ECD: variants seen among roughly 807,000 people sequenced by gnomAD.
The protein encoded by ECD is protein ecdysoneless homolog.
Under a neutral mutation model 77.2 loss-of-function variants are expected in ECD, and 59 were observed. That is an observed-to-expected ratio of 0.76 (90% confidence interval 0.62 to 0.95). The LOEUF is 0.95. Ranked by LOEUF, ECD falls within the 40% of genes least tolerant of loss-of-function variation. The pLI, the probability that ECD is intolerant of heterozygous loss-of-function variation, is 0.00. For missense variants in ECD, 704 were observed against 763.4 expected, an observed-to-expected ratio of 0.92 and a Z score of 0.92; for synonymous variants, 233 against 267.4, an observed-to-expected ratio of 0.87 and a Z score of 1.26.
Position 73,167,887 on chromosome 10 carries a change from C to T in ECD, c.-35G>A, listed in dbSNP as rs144296388. On this transcript the variant is annotated 5_prime_UTR_variant, in exon 1 of 14. Transcript: ENST00000372979. ...TTACGGTTCTAGGGCCTCTCCTTCG[C>T]GTCTCTGCTGTGGCACCTTTCCTTA... The T allele has an allele frequency of 1.4e-3, 250 of 184,224 alleles. 11 individuals carry two copies. In the East Asian group the frequency reaches 0.039, roughly 29 times the overall value. 11.4% of individuals were successfully genotyped at this position (184,224 alleles called of 1,614,324 possible).
intron 8 of ECD, among the ~76,000 whole-genome samples, chr10:73,147,984 C>T: frequency 6.6e-6 from 1 of 151,812 alleles, no homozygotes; most frequent in African/African-American, 2.4e-5. Context: ...GCTAATTTTC[C>T]TATCTGGTGT....
At chr10:73,151,537 A>G (rs1843206669) in intron 7 of ECD, among the ~76,000 whole-genome samples, 1 of 152,174 alleles carries the variant, frequency 6.6e-6, no homozygotes, top group Non-Finnish European at 1.5e-5. Context: ...AATAAAAAAA[A>G]AAAGAAAATC....
In ECD at chr10:73,139,641, G is replaced by C. The variant is rs1843025848; in HGVS notation, c.1224C>G (p.Pro408=). 3 of 1,608,200 alleles carry C rather than the reference G, an allele frequency of 1.9e-6. No individual in the cohort carries two copies. Among genetic ancestry groups the C allele is most frequent in the Admixed American group, 1.7e-5 (1 of 58,718 alleles). The stretch of plus-strand genomic sequence containing the variant: ...TGGTCCATCACTTACCATCCTCTGG[G>C]GGAAGATTAGCTGCTTCTTTCTTAA... ...EDLKKEAANL[P]PEDDDQWLDL... The change falls in exon 10 of 14, where the codon CCC becomes CCG. Residue 408 remains proline, a synonymous_variant. Transcript: ENST00000372979.
At chr10:73,141,665 C>T (rs1318743148) in intron 9 of ECD, among the ~76,000 whole-genome samples, 5 of 152,154 alleles carry the variant, frequency 3.3e-5, no homozygotes, top group Non-Finnish European at 1.5e-5. Context: ...CTATGACTCT[C>T]TTTAGCATTT....
intron 8 of ECD, 148 bp downstream of exon 8, chr10:73,148,128 C>T: frequency 1.1e-6 from 1 of 911,406 alleles, no homozygotes. Context: ...TTCATTAGCA[C>T]CTGAGTACCA....
At chr10:73,134,842 G>A in intron 13 of ECD, 29 bp from the exon 14 acceptor site, 1 of 1,581,950 alleles carries the variant, frequency 6.3e-7, no homozygotes, top group Non-Finnish European at 8.7e-7. Context: ...AGAAAATTAT[G>A]GGCTAATGTA....
chr10:73,138,391 A>C lies in ECD; in HGVS notation c.1422-321T>G, dbSNP rs182433234. Reference sequence around the variant, plus strand: ...GCAAAACCATTATTTATTTGAGTTAATTTAAATAAAGCCTGTTCTTTTAAG... The same window carrying C: ...GCAAAACCATTATTTATTTGAGTTACTTTAAATAAAGCCTGTTCTTTTAAG... On this transcript the variant is annotated intron_variant, in intron 11 of 13. Transcript: ENST00000372979. 2.0e-5 allele frequency among the ~76,000 whole-genome samples: 3 copies of C among 152,350 alleles called. No individual in the cohort carries two copies. The East Asian group carries it at 5.8e-4, about 29-fold the overall frequency.
rs754983795 is a variant in ECD at position 73,146,265 on chromosome 10, C to T, written c.1127+11G>A. On this transcript the variant is annotated intron_variant, in intron 9 of 13. Coordinates refer to ENST00000372979, the MANE Select transcript of ECD (RefSeq NM_007265.3). Reference sequence around the variant, plus strand: ...CCAATCTTTGTAGTAGGAGTCTTAACAATAACTCACCTTTCTGGCCAGTCT... The same window carrying T: ...CCAATCTTTGTAGTAGGAGTCTTAATAATAACTCACCTTTCTGGCCAGTCT... 6 of 1,559,464 alleles carry T rather than the reference C, an allele frequency of 3.8e-6. No homozygotes were observed. In the South Asian group the frequency reaches 7.0e-5, roughly 18 times the overall value.
chr10:73,143,977 T>C (rs1023676846), intron 9 of ECD, among the ~76,000 whole-genome samples: 8 of 152,086 alleles, frequency 5.3e-5, no homozygotes, highest in African/African-American at 1.9e-4. Flanking sequence ...TTGGTTGTCA[T>C]GATTGGGGGA....
In ECD at chr10:73,154,129, T is replaced by C. The variant is rs914656027; in HGVS notation, c.783+127A>G. 4 of 992,812 alleles carry C rather than the reference T, an allele frequency of 4.0e-6. No homozygotes were observed. The South Asian group carries it at 6.0e-5, about 15-fold the overall frequency. The allele number at this position is 992,812 out of a possible 1,614,324, so 61.5% of individuals were successfully genotyped here. On this transcript the variant is annotated intron_variant, in intron 6 of 13. Transcript: ENST00000372979. ...ATGAAGAAACAGAATATTTCCTTTT[T>C]TTTCTAGAGAACAATTAAAATAATG...
rs111606598 is a variant in ECD at position 73,163,805 on chromosome 10, G to A, written c.133C>T (p.Arg45Trp). ...LQKYIERIIT[R>W]FAPMLVPYIW... is the part of the protein sequence containing the mutation. ...TAGGGGACCAGCATAGGTGCAAACCGAGTGATTATTCTCTCAATGTACTTC... is the reference window on the plus strand; with the variant it reads ...TAGGGGACCAGCATAGGTGCAAACCAAGTGATTATTCTCTCAATGTACTTC... Residue 45 changes from arginine (R) to tryptophan (W), a missense_variant, in exon 2 of 14, where the codon CGG becomes TGG. Physicochemically the swap from Arg to Trp is moderately radical, Grantham distance 101. Transcript: ENST00000372979. 34 of 1,614,160 alleles carry A rather than the reference G, an allele frequency of 2.1e-5. No homozygotes were observed. The highest frequency in any genetic ancestry group is 1.8e-4 in the South Asian group (16 of 91,082).
intron 7 of ECD, among the ~76,000 whole-genome samples, chr10:73,149,435 G>A (rs1044035076): frequency 6.6e-6 from 1 of 152,182 alleles, no homozygotes; most frequent in Non-Finnish European, 1.5e-5. Context: ...TATGCATACT[G>A]TCTCATGATG....
chr10:73,146,283 G>T lies in ECD; in HGVS notation c.1120C>A (p.Pro374Thr), dbSNP rs145211991. ...GTCTTAACAATAACTCACCTTTCTG[G>T]CCAGTCTACTGAGAGCTGGAAGTAA... The part of the protein sequence containing the change: ...ENYFQLSVDW[P>T]ESSLAMSPGE... Residue 374 changes from proline (P) to threonine (T), a missense_variant, in exon 9 of 14, where the codon CCA becomes ACA. Pro to Thr is a conservative substitution (Grantham distance 38). Around this residue, in one of 3 missense-constraint regions of ECD, gnomAD observed 559 missense variants for 583.7 expected, o/e 0.96. Transcript: ENST00000372979. The T allele has an allele frequency of 2.5e-6, 4 of 1,598,278 alleles. No homozygotes were observed. The highest frequency in any genetic ancestry group is 1.3e-5 in the African/African-American group (1 of 74,758).
chr10:73,156,859 T>C (rs189772007), intron 3 of ECD, among the ~76,000 whole-genome samples: 36 of 152,034 alleles, frequency 2.4e-4, no homozygotes, highest in Non-Finnish European at 5.9e-5. Context: ...GAGTTGAAGG[T>C]AGATATGATA....
intron 13 of ECD, among the ~76,000 whole-genome samples, chr10:73,135,712 C>A (rs1347113279): frequency 1.3e-5 from 2 of 151,368 alleles, no homozygotes. Context: ...CAGAGGGAGA[C>A]TTCCATCTCA....
chr10:73,147,465 G>A (rs546477178), intron 8 of ECD, among the ~76,000 whole-genome samples: 8 of 151,992 alleles, frequency 5.3e-5, no homozygotes, highest in Admixed American at 1.3e-4. Flanking sequence ...GAGGAGAATC[G>A]CTTGAACCTA....
intron 9 of ECD, among the ~76,000 whole-genome samples, chr10:73,143,565 T>C (rs531632726): frequency 2.0e-5 from 3 of 152,252 alleles, no homozygotes; most frequent in Admixed American, 2.0e-4. Flanking sequence ...TGTGGGTACA[T>C]AGTAGGTGTA....
At chr10:73,160,366 A>G (rs1843359738) in intron 3 of ECD, 68 bp downstream of exon 3, 2 of 1,047,272 alleles carry the variant, frequency 1.9e-6, no homozygotes, top group African/African-American at 1.6e-5. Context: ...ATTACTAAAT[A>G]GATAAAAATG....
intron 9 of ECD, 32 bp downstream of exon 9, chr10:73,146,244 T>A (rs764564157): frequency 8.2e-7 from 1 of 1,212,928 alleles, no homozygotes; most frequent in Non-Finnish European, 1.2e-6. Context: ...TAAATACCAA[T>A]CTTTGTAGTA....
Sources: allele counts gnomAD v4.1 joint callset (sites outside exome capture counted in the v4.1 genomes callset), GRCh38; gene constraint gnomAD v4.1.1; regional missense constraint gnomAD v4.1.1; transcripts MANE v1.5; gene names NCBI Gene and HGNC (gene_info 2026-07-23, HGNC 2026-07-21).